NSMCE2: variants seen among roughly 807,000 people sequenced by gnomAD.
The protein encoded by NSMCE2 is NSE2 SUMO ligase component of SMC5/6 complex.
A neutral mutation model predicts 23.8 loss-of-function variants in NSMCE2; 24 were observed. That is an observed-to-expected ratio of 1.01 (90% CI 0.73 to 1.42). The LOEUF (loss-of-function observed/expected upper bound fraction) is 1.42. NSMCE2 is among the 40% of genes most tolerant of loss of function. NSMCE2 has a pLI of 0.00. For missense variants in NSMCE2, 284 were observed against 296.5 expected (o/e 0.96, Z 0.31); for synonymous variants, 92 against 94.1 (o/e 0.98, Z 0.13).
intron 4 of NSMCE2, 123 bp downstream of exon 4, chr8:125,151,400 T>A: frequency 2.0e-6 from 1 of 488,864 alleles, no homozygotes; most frequent in Non-Finnish European, 3.7e-6. Flanking sequence ...TAGCAGCTAT[T>A]AAATTCCTCT....
chr8:125,244,191 G>A (rs1825870755), intron 5 of NSMCE2, among the ~76,000 whole-genome samples: 1 of 151,896 alleles, frequency 6.6e-6, no homozygotes, highest in African/African-American at 2.4e-5. Flanking sequence ...TTAGGCAGGA[G>A]GAAGACAAAA....
At chr8:125,260,308 A>T (rs1011342951) in intron 5 of NSMCE2, among the ~76,000 whole-genome samples, 1 of 152,148 alleles carries the variant, frequency 6.6e-6, no homozygotes, top group Non-Finnish European at 1.5e-5. Flanking sequence ...GTTTTTCAGA[A>T]TGGAATCAGG....
At position 125,298,697 on chromosome 8, in the gene NSMCE2, GT is replaced by G. The variant is rs56972472; in HGVS notation, c.419-58507del. 7.0e-4 allele frequency among the ~76,000 whole-genome samples: 48 copies of G among 68,406 alleles called. 1 individual carries two copies. The highest frequency in any genetic ancestry group is 6.1e-4 in the Non-Finnish European group (19 of 31,280). The allele number at this position is 68,406 out of a possible 152,430, so 44.9% of individuals were successfully genotyped here. A position where few individuals can be genotyped will look rare whatever the true frequency, so the allele number is the denominator to read the frequency against. On this transcript the variant is annotated intron_variant, in intron 5 of 7. Coordinates refer to ENST00000287437, the MANE Select transcript of NSMCE2 (RefSeq NM_173685.4). Reference sequence around the variant, plus strand: ...CAAATTCATCTGTGGGTTTTTTTTTGTTTTTTTTTTTTTTTCCCCAGTTTAG... The same window carrying G: ...CAAATTCATCTGTGGGTTTTTTTTTGTTTTTTTTTTTTTTCCCCAGTTTAG...
chr8:125,311,065 G>A (rs1038270424), intron 5 of NSMCE2, among the ~76,000 whole-genome samples: 9 of 152,164 alleles, frequency 5.9e-5, no homozygotes, highest in South Asian at 2.1e-4. Context: ...AAGTTACACC[G>A]CAGTAATTAC....
At chr8:125,253,012 T>C (rs891157614) in intron 5 of NSMCE2, among the ~76,000 whole-genome samples, 5 of 152,228 alleles carry the variant, frequency 3.3e-5, no homozygotes, top group African/African-American at 7.2e-5. Context: ...TTAAATGATA[T>C]AGTACATGTA....
chr8:125,224,907 T>C (rs968221760), intron 5 of NSMCE2, among the ~76,000 whole-genome samples: 8 of 152,170 alleles, frequency 5.3e-5, no homozygotes, highest in African/African-American at 1.9e-4. Flanking sequence ...ATTGACTTTA[T>C]TGAGGAAAAA....
intron 5 of NSMCE2, among the ~76,000 whole-genome samples, chr8:125,199,395 G>A (rs1823767313): frequency 1.3e-5 from 2 of 152,104 alleles, no homozygotes; most frequent in South Asian, 4.1e-4. Context: ...GTTCTCATTG[G>A]TTTCAAAGAA....
intron 3 of NSMCE2, among the ~76,000 whole-genome samples, chr8:125,109,037 G>A (rs957828829): frequency 2.6e-5 from 4 of 152,224 alleles, no homozygotes; most frequent in Non-Finnish European, 4.4e-5. Flanking sequence ...CCAAAGAGGA[G>A]ATTATGTCAG....
chr8:125,209,836 C>G (rs1239114435), intron 5 of NSMCE2, among the ~76,000 whole-genome samples: 3 of 152,096 alleles, frequency 2.0e-5, no homozygotes, highest in Non-Finnish European at 4.4e-5. Flanking sequence ...TATAATAGCT[C>G]TTATCATTTC....
At chr8:125,222,304 C>A (rs1824899943) in intron 5 of NSMCE2, among the ~76,000 whole-genome samples, 1 of 151,858 alleles carries the variant, frequency 6.6e-6, no homozygotes, top group Admixed American at 6.6e-5. Context: ...TATATGTATA[C>A]CTTGCAGAAT....
intron 4 of NSMCE2, among the ~76,000 whole-genome samples, chr8:125,155,784 C>G (rs960405942): frequency 6.6e-6 from 1 of 152,150 alleles, no homozygotes; most frequent in African/African-American, 2.4e-5. Context: ...CAGTTTAGTT[C>G]AGGGAATCCT....
intron 5 of NSMCE2, among the ~76,000 whole-genome samples, chr8:125,318,177 G>A (rs909612701): frequency 1.3e-5 from 2 of 152,230 alleles, no homozygotes; most frequent in Non-Finnish European, 2.9e-5. Flanking sequence ...AGGAGCCTGA[G>A]GCAGGTGCAT....
chr8:125,118,294 C>A (rs1325667099), intron 3 of NSMCE2, among the ~76,000 whole-genome samples: 1 of 152,136 alleles, frequency 6.6e-6, no homozygotes, highest in African/African-American at 2.4e-5. Context: ...GGGAGGATCA[C>A]TTGAACCTGC....
chr8:125,178,595 G>C (rs1282677884), intron 4 of NSMCE2, among the ~76,000 whole-genome samples: 1 of 152,214 alleles, frequency 6.6e-6, no homozygotes, highest in Admixed American at 6.5e-5. Flanking sequence ...GGTTGGCTGG[G>C]CGTGGTGGCT....
chr8:125,115,736 A>T (rs914186005), intron 3 of NSMCE2, among the ~76,000 whole-genome samples: 7 of 152,174 alleles, frequency 4.6e-5, no homozygotes, highest in East Asian at 1.9e-4. Context: ...CAATAAAAAA[A>T]AATAATAATA....
chr8:125,360,385 AGCAGAGAGCCAGCAAG>A (rs1720894800), intron 7 of NSMCE2, among the ~76,000 whole-genome samples: 1 of 152,222 alleles, frequency 6.6e-6, no homozygotes, highest in Non-Finnish European at 1.5e-5. Flanking sequence ...TGCATTCACC[AGCAGAGAGCCAGCAAG>A]GCAGGACCCG....
chr8:125,261,867 T>C (rs1414435762), intron 5 of NSMCE2, among the ~76,000 whole-genome samples: 1 of 150,452 alleles, frequency 6.6e-6, no homozygotes, highest in Non-Finnish European at 1.5e-5. Flanking sequence ...GAGGCCAGCA[T>C]GGTCAGATCA....
At chr8:125,334,786 T>C (rs1466046438) in intron 5 of NSMCE2, among the ~76,000 whole-genome samples, 1 of 133,374 alleles carries the variant, frequency 7.5e-6, no homozygotes, top group Non-Finnish European at 1.6e-5. Flanking sequence ...TTTTTTTTTT[T>C]TTTTTTTTTT....
intron 3 of NSMCE2, among the ~76,000 whole-genome samples, chr8:125,139,035 A>G (rs1252713784): frequency 2.0e-5 from 3 of 152,194 alleles, no homozygotes; most frequent in Non-Finnish European, 4.4e-5. Flanking sequence ...TATTGTTGTC[A>G]TTGCCTGGCA....
Sources: gnomAD v4.1 joint callset for allele counts (sites outside exome capture counted in the v4.1 genomes callset) on GRCh38, gnomAD v4.1.1 for gene constraint, MANE v1.5 for transcripts, NCBI Gene and HGNC (gene_info 2026-07-23, HGNC 2026-07-21) for gene names.